NR2C2: variants seen among roughly 807,000 people sequenced by gnomAD.
NR2C2 encodes the protein nuclear receptor subfamily 2 group C member 2.
NR2C2 carries 6 observed loss-of-function variants against 62.9 expected under a neutral mutation model. That is an observed-to-expected ratio of 0.10 (90% CI 0.05 to 0.19). The LOEUF (loss-of-function observed/expected upper bound fraction) is 0.19, where lower values mean the gene tolerates loss of function less well. NR2C2 is among the 10% of genes least tolerant of loss of function. The probability of loss-of-function intolerance (pLI) is 1.00; values close to 1 mark genes in which losing one functional copy is unlikely to be tolerated. For synonymous variants in NR2C2, 272 were observed against 273.8 expected (o/e 0.99, Z 0.07); for missense variants, 479 against 762.7 (o/e 0.63, Z 4.38).
intron 1 of NR2C2, among the ~76,000 whole-genome samples, chr3:14,976,818 A>C (rs755961769): frequency 3.3e-5 from 5 of 152,000 alleles, no homozygotes; most frequent in Non-Finnish European, 4.4e-5. Flanking sequence ...TCCATTTTCT[A>C]GTGTTGCTTT....
chr3:15,010,916 C>T (rs2041334770), intron 2 of NR2C2, among the ~76,000 whole-genome samples: 1 of 152,108 alleles, frequency 6.6e-6, no homozygotes, highest in African/African-American at 2.4e-5. Flanking sequence ...CATGTGTCAT[C>T]CCTGAACACA....
Position 15,029,791 on chromosome 3 carries a change from TAATA to T in NR2C2, c.933-483_933-480del, listed in dbSNP as rs1328149140. ...ACCCATCTCTGAAAAAGTAAATAAA[TAATA>T]GATAGATAGATAGATAGATAGATAG... On this transcript the variant is annotated intron_variant, in intron 8 of 13. Transcript: ENST00000425241. Among the ~76,000 whole-genome samples, 13 of 108,148 alleles carry T rather than the reference TAATA, an allele frequency of 1.2e-4. No individual in the cohort carries two copies. In the South Asian group the frequency reaches 1.5e-3, roughly 12 times the overall value. The allele number at this position is 108,148 out of a possible 152,430, so 70.9% of individuals were successfully genotyped here. A position where few individuals can be genotyped will look rare whatever the true frequency, so the allele number is the denominator to read the frequency against.
intron 1 of NR2C2, 26 bp downstream of exon 1, chr3:14,947,932 G>C (rs949822798): frequency 2.0e-5 from 3 of 150,540 alleles, no homozygotes; most frequent in African/African-American, 7.3e-5. Flanking sequence ...GGTCGGGCGG[G>C]CTCGGGCCGG....
intron 2 of NR2C2, among the ~76,000 whole-genome samples, chr3:15,007,167 G>A (rs1242552296): frequency 2.9e-5 from 4 of 137,222 alleles, no homozygotes; most frequent in East Asian, 2.1e-4. Context: ...TCGCTCTGTC[G>A]CCCAGGCTGG....
At chr3:14,970,279 G>T (rs1412333173) in intron 1 of NR2C2, among the ~76,000 whole-genome samples, 1 of 148,346 alleles carries the variant, frequency 6.7e-6, no homozygotes, top group Non-Finnish European at 1.5e-5. Flanking sequence ...GTGGGGGGTG[G>T]GGGGGTGGTA....
chr3:15,035,855 C>T (rs1030278071), intron 11 of NR2C2, among the ~76,000 whole-genome samples: 4 of 152,204 alleles, frequency 2.6e-5, no homozygotes, highest in African/African-American at 9.7e-5. Flanking sequence ...GGCGAAACCT[C>T]GTCTCTACTA....
Position 15,032,267 on chromosome 3 carries a change from C to T in NR2C2, c.1111-112C>T. 1.4e-6 allele frequency: 2 copies of T among 1,454,710 alleles called. 1 individual carries two copies. Among genetic ancestry groups the T allele is most frequent in the South Asian group, 2.4e-5 (2 of 82,758 alleles). 90.1% of individuals were successfully genotyped at this position (1,454,710 alleles called of 1,614,324 possible). On this transcript the variant is annotated intron_variant, in intron 9 of 13. Coordinates refer to ENST00000425241, the MANE Select transcript of NR2C2 (RefSeq NM_001291694.2). ...GACTGCATGGGACTTCAGAATCAGA[C>T]AGCAACTCTAGATGCCACTGCTATT...
chr3:15,028,564 G>T (rs774160985), intron 7 of NR2C2, 22 bp from the exon 8 acceptor site: 4 of 1,603,682 alleles, frequency 2.5e-6, no homozygotes, highest in Non-Finnish European at 3.4e-6. Flanking sequence ...CATTTTTAAT[G>T]TCAGTATTTT....
intron 7 of NR2C2, chr3:15,026,500 C>T (rs2041825124): frequency 6.6e-6 from 1 of 152,110 alleles, no homozygotes; most frequent in South Asian, 2.1e-4. Context: ...TCCTCCTTTC[C>T]CCCTCTTCTC....
chr3:15,046,354 G>A lies in NR2C2; in HGVS notation c.*3346G>A, dbSNP rs1024635076. 6.6e-6 allele frequency: 1 copy of A among 152,260 alleles called. No homozygotes were observed. Among genetic ancestry groups the A allele is most frequent in the Non-Finnish European group, 1.5e-5 (1 of 68,044 alleles). The allele number at this position is 152,260 out of a possible 1,614,324, so 9.4% of individuals were successfully genotyped here. A position where few individuals can be genotyped will look rare whatever the true frequency, so the allele number is the denominator to read the frequency against. ...ACCAGCCATGGTGTTAACAGTGGAT[G>A]CGTTAGGCTCCTTAATCTCAAGGCA... is the stretch of plus-strand genomic sequence containing the variant. On this transcript the variant is annotated 3_prime_UTR_variant, in exon 14 of 14. Coordinates refer to ENST00000425241, the MANE Select transcript of NR2C2 (RefSeq NM_001291694.2).
chr3:15,038,401 A>C, intron 12 of NR2C2: 1 of 315,870 alleles, frequency 3.2e-6, no homozygotes, highest in Non-Finnish European at 5.8e-6. Context: ...CCATTGGCCA[A>C]ACAAGACTAC....
intron 8 of NR2C2, 71 bp from the exon 9 acceptor site, chr3:15,030,204 C>G: frequency 7.8e-7 from 1 of 1,287,374 alleles, no homozygotes; most frequent in Non-Finnish European, 1.1e-6. Context: ...TTTTCTAAAT[C>G]ATAGCTAGAA....
intron 4 of NR2C2, among the ~76,000 whole-genome samples, chr3:15,018,498 G>A (rs1559295811): frequency 6.6e-6 from 1 of 152,144 alleles, no homozygotes; most frequent in East Asian, 1.9e-4. Context: ...CGAGTTATAT[G>A]AAAAAATGCT....
chr3:14,954,397 AAAAG>A (rs1179757944), intron 1 of NR2C2, among the ~76,000 whole-genome samples: 4 of 152,360 alleles, frequency 2.6e-5, no homozygotes, highest in Middle Eastern at 3.4e-3. Flanking sequence ...TCAAACGAAG[AAAAG>A]AAAGCAGTAC....
chr3:14,956,219 C>T (rs1309003849), intron 1 of NR2C2, among the ~76,000 whole-genome samples: 2 of 152,192 alleles, frequency 1.3e-5, no homozygotes, highest in African/African-American at 2.4e-5. Context: ...TCATTTTCTA[C>T]TTTCAAGTCT....
chr3:14,980,039 C>G (rs569621544), intron 1 of NR2C2, among the ~76,000 whole-genome samples: 1 of 151,932 alleles, frequency 6.6e-6, no homozygotes, highest in South Asian at 2.1e-4. Context: ...CACCCGTAGT[C>G]CCCACTGTAG....
chr3:14,952,264 A>G (rs1182381657), intron 1 of NR2C2, among the ~76,000 whole-genome samples: 1 of 152,224 alleles, frequency 6.6e-6, no homozygotes, highest in Non-Finnish European at 1.5e-5. Context: ...TGACTTTGAG[A>G]ACAAGGGAGG....
chr3:14,972,140 T>A (rs1467040472), intron 1 of NR2C2, among the ~76,000 whole-genome samples: 1 of 151,170 alleles, frequency 6.6e-6, no homozygotes, highest in Non-Finnish European at 1.5e-5. Context: ...AAAAAAAAGT[T>A]CTCATTCTCT....
intron 1 of NR2C2, among the ~76,000 whole-genome samples, chr3:14,963,964 A>G (rs1355688272): frequency 1.3e-5 from 2 of 152,172 alleles, no homozygotes; most frequent in Non-Finnish European, 2.9e-5. Flanking sequence ...ACTGAAAATG[A>G]AAGAAGATAG....
Sources: gnomAD v4.1 joint callset for allele counts (sites outside exome capture counted in the v4.1 genomes callset) on GRCh38, gnomAD v4.1.1 for gene constraint, MANE v1.5 for transcripts, NCBI Gene and HGNC (gene_info 2026-07-23, HGNC 2026-07-21) for gene names.